UTRN: variants seen among roughly 807,000 people sequenced by gnomAD.
UTRN encodes the protein utrophin, also known as dystrophin-related protein 1.
UTRN carries 283 observed loss-of-function variants against 463.9 expected under a neutral mutation model. That is an observed-to-expected ratio of 0.61 (90% confidence interval 0.55 to 0.67). The LOEUF is 0.67. Among genes scored for constraint, UTRN ranks in the 30% least tolerant of loss-of-function variants. The pLI is 0.00. For missense variants in UTRN, 3,922 were observed against 4,084.3 expected, an observed-to-expected ratio of 0.96 and a Z score of 1.08; for synonymous variants, 1,442 against 1,431.5, an observed-to-expected ratio of 1.01 and a Z score of -0.17.
intron 23 of UTRN, among the ~76,000 whole-genome samples, chr6:144,470,426 C>T (rs959201366): frequency 2.6e-5 from 4 of 151,272 alleles, no homozygotes; most frequent in Non-Finnish European, 5.9e-5. Context: ...AGTTCCCAGA[C>T]GGGGTCGCGG....
At chr6:144,752,128 A>G (rs1023478020) in intron 56 of UTRN, among the ~76,000 whole-genome samples, 176 bp downstream of exon 56, 1 of 152,156 alleles carries the variant, frequency 6.6e-6, no homozygotes, top group African/African-American at 2.4e-5. Flanking sequence ...TAAAGGCCTC[A>G]TTTATTTATA....
At chr6:144,732,306 A>ATG (rs1788770739) in intron 54 of UTRN, among the ~76,000 whole-genome samples, 1 of 142,432 alleles carries the variant, frequency 7.0e-6, no homozygotes, top group Non-Finnish European at 1.5e-5. Flanking sequence ...ACACATATAT[A>ATG]TATATAAAAA....
chr6:144,384,779 A>G (rs1041088354), intron 2 of UTRN, among the ~76,000 whole-genome samples: 6 of 152,134 alleles, frequency 3.9e-5, no homozygotes, highest in African/African-American at 1.4e-4. Flanking sequence ...TTTTATGTAA[A>G]TATCACATTT....
intron 50 of UTRN, among the ~76,000 whole-genome samples, chr6:144,570,122 G>C (rs1254029599): frequency 6.6e-6 from 1 of 152,124 alleles, no homozygotes; most frequent in Non-Finnish European, 1.5e-5. Flanking sequence ...GCCATGGTAG[G>C]GGAAACTATG....
intron 52 of UTRN, among the ~76,000 whole-genome samples, chr6:144,688,993 G>C (rs191372550): frequency 6.6e-6 from 1 of 152,114 alleles, no homozygotes; most frequent in Non-Finnish European, 1.5e-5. Context: ...GGAAAAGGGA[G>C]GAAGCTACCT....
chr6:144,785,848 C>T lies in UTRN; in HGVS notation c.8835-3346C>T, dbSNP rs187154913. 4.6e-5 allele frequency among the ~76,000 whole-genome samples: 7 copies of T among 152,332 alleles called. No homozygotes were observed. The East Asian group carries it at 9.6e-4, about 21-fold the overall frequency. Reference sequence around the variant, plus strand: ...TTTATGAATTTGCAGCCTCAGTCATCTTACCAGATTAAAAGGTCTTAATTT... The same window carrying T: ...TTTATGAATTTGCAGCCTCAGTCATTTTACCAGATTAAAAGGTCTTAATTT... On this transcript the variant is annotated intron_variant, in intron 61 of 74. Coordinates refer to ENST00000367545, the MANE Select transcript of UTRN (RefSeq NM_007124.3).
intron 2 of UTRN, among the ~76,000 whole-genome samples, chr6:144,359,745 T>G (rs571025074): frequency 1.3e-5 from 2 of 152,044 alleles, no homozygotes; most frequent in Admixed American, 6.5e-5. Flanking sequence ...CTTTTTTAGT[T>G]ACTCTGCCAT....
chr6:144,724,873 A>G (rs1359706746), intron 53 of UTRN, among the ~76,000 whole-genome samples: 1 of 152,222 alleles, frequency 6.6e-6, no homozygotes, highest in Non-Finnish European at 1.5e-5. Flanking sequence ...TCTTTTGGCT[A>G]TTATGAATAA....
intron 33 of UTRN, among the ~76,000 whole-genome samples, chr6:144,494,680 A>G (rs1053596174): frequency 5.9e-5 from 9 of 152,100 alleles, no homozygotes; most frequent in Non-Finnish European, 1.0e-4. Context: ...AAGGTTCTCC[A>G]TGTCCCCACC....
chr6:144,672,922 G>C (rs189238726), intron 51 of UTRN, among the ~76,000 whole-genome samples: 38 of 152,084 alleles, frequency 2.5e-4, no homozygotes, highest in Admixed American at 2.4e-3. Context: ...TGATATCTTT[G>C]TTAACTGAAA....
chr6:144,606,244 A>T (rs1804834955), intron 51 of UTRN, among the ~76,000 whole-genome samples: 1 of 152,228 alleles, frequency 6.6e-6, no homozygotes, highest in Non-Finnish European at 1.5e-5. Context: ...TACACAAAAC[A>T]CAACTTCAAA....
intron 53 of UTRN, among the ~76,000 whole-genome samples, chr6:144,704,745 T>G (rs569605196): frequency 2.6e-5 from 4 of 152,192 alleles, no homozygotes; most frequent in Non-Finnish European, 5.9e-5. Context: ...AGGCGGATCA[T>G]GAGGTCAAGA....
chr6:144,769,283 C>G (rs548129441), intron 58 of UTRN, among the ~76,000 whole-genome samples: 26 of 151,190 alleles, frequency 1.7e-4, no homozygotes, highest in Non-Finnish European at 3.8e-4. Flanking sequence ...TCTCCCCCGA[C>G]TTAAAAAAAA....
chr6:144,649,967 G>A (rs934910279), intron 51 of UTRN, among the ~76,000 whole-genome samples: 1 of 152,102 alleles, frequency 6.6e-6, no homozygotes, highest in Non-Finnish European at 1.5e-5. Context: ...TTCTCATGCT[G>A]CTAATAAAGA....
intron 52 of UTRN, among the ~76,000 whole-genome samples, chr6:144,682,586 T>C (rs1272275095): frequency 1.3e-5 from 2 of 152,186 alleles, no homozygotes; most frequent in African/African-American, 4.8e-5. Flanking sequence ...TTATATTAAC[T>C]TACATTCCCA....
intron 43 of UTRN, among the ~76,000 whole-genome samples, chr6:144,535,279 C>T (rs1436879266): frequency 6.6e-6 from 1 of 152,132 alleles, no homozygotes; most frequent in Non-Finnish European, 1.5e-5. Context: ...TGGCATTTCA[C>T]CATGTTGGCC....
chr6:144,405,418 ACT>A (rs1179321946), intron 3 of UTRN, among the ~76,000 whole-genome samples: 1 of 152,028 alleles, frequency 6.6e-6, no homozygotes, highest in Non-Finnish European at 1.5e-5. Flanking sequence ...ATGTGGCTTA[ACT>A]CTTGCTGAGC....
Position 144,554,105 on chromosome 6 carries a change from G to A in UTRN, c.6929-583G>A, listed in dbSNP as rs142150317. Among the ~76,000 whole-genome samples, 999 of 152,254 alleles carry A rather than the reference G, an allele frequency of 6.6e-3. 8 individuals are homozygous for A. The highest frequency in any genetic ancestry group is 0.023 in the African/African-American group (939 of 41,540). On this transcript the variant is annotated intron_variant, in intron 48 of 74. Coordinates refer to ENST00000367545, the MANE Select transcript of UTRN (RefSeq NM_007124.3). ...TATGGAATTTTTATGATGAAGAGCT[G>A]CTGGGTGCACAGTTCATGAGTCTCT... is the stretch of plus-strand genomic sequence containing the variant.
rs587691 is a variant in UTRN, at chr6:144,286,744, G to A, written c.-93+923G>A. ...AGGGACTCATTCCAGTGCGTTTTTC[G>A]AGGAGGAGGGAGAAAACGTTGCCCG... is the stretch of plus-strand genomic sequence containing the variant. On this transcript the variant is annotated intron_variant, in intron 1 of 74. Coordinates refer to ENST00000367545, the MANE Select transcript of UTRN (RefSeq NM_007124.3). The surrounding 1 kb of genome is among the most constrained non-coding windows in gnomAD (Gnocchi z 4.4). Among the ~76,000 whole-genome samples the A allele has an allele frequency of 0.52, 78,992 of 151,250 alleles. 22,399 individuals carry two copies. Among genetic ancestry groups the A allele is most frequent in the African/African-American group, 0.75 (31,064 of 41,218 alleles).
Sources: gnomAD v4.1 joint callset for allele counts (sites outside exome capture counted in the v4.1 genomes callset) on GRCh38, gnomAD v4.1.1 for gene constraint, Gnocchi (gnomAD v3.1) non-coding constraint, MANE v1.5 for transcripts, NCBI Gene and HGNC (gene_info 2026-07-23, HGNC 2026-07-21) for gene names.